PRKCH: variants seen among roughly 807,000 people sequenced by gnomAD.
PRKCH encodes protein kinase C eta.
In PRKCH, 28 loss-of-function variants were observed where a neutral mutation model predicts 82.5. The ratio of observed to expected loss-of-function variants is 0.34; its 90% CI spans 0.25 to 0.47. The LOEUF (loss-of-function observed/expected upper bound fraction) is 0.47, where lower values mean the gene tolerates loss of function less well. PRKCH is among the 20% of genes least tolerant of loss of function. The pLI, the probability that PRKCH is intolerant of heterozygous loss-of-function variation, is 1.00. For missense variants in PRKCH, 705 were observed against 881.8 expected, an observed-to-expected ratio of 0.80 and a Z score of 2.54; for synonymous variants, 322 against 327.4, an observed-to-expected ratio of 0.98 and a Z score of 0.18.
chr14:61,461,406 A>C (rs960995218), intron 9 of PRKCH, among the ~76,000 whole-genome samples: 4 of 152,190 alleles, frequency 2.6e-5, no homozygotes, highest in African/African-American at 9.7e-5. Flanking sequence ...CGGGGTTTCA[A>C]GCGCCAGCCT....
chr14:61,419,282 G>A (rs1157678845), intron 2 of PRKCH, among the ~76,000 whole-genome samples: 1 of 152,166 alleles, frequency 6.6e-6, no homozygotes, highest in Non-Finnish European at 1.5e-5. Flanking sequence ...TAGAGCAGAA[G>A]TTTTCATTTA....
chr14:61,342,103 G>GT (rs1158662428), intron 1 of PRKCH, among the ~76,000 whole-genome samples: 1 of 152,092 alleles, frequency 6.6e-6, no homozygotes, highest in Non-Finnish European at 1.5e-5. Flanking sequence ...CCTCTGCAGT[G>GT]TAACTGGGCT....
intron 10 of PRKCH, among the ~76,000 whole-genome samples, chr14:61,494,680 G>A (rs548699595): frequency 6.6e-6 from 1 of 152,344 alleles, no homozygotes; most frequent in Admixed American, 6.5e-5. Context: ...CTTTGCATAT[G>A]TGCTGTCACC....
chr14:61,328,948 T>C (rs1222408660), intron 1 of PRKCH, among the ~76,000 whole-genome samples: 3 of 151,146 alleles, frequency 2.0e-5, no homozygotes, highest in Non-Finnish European at 2.9e-5. Flanking sequence ...ATCATGTCAC[T>C]GTACTCTAGC....
In PRKCH at chr14:61,328,352, C is replaced by T. The variant is rs527895705; in HGVS notation, c.363+5888C>T. The stretch of plus-strand genomic sequence containing the variant: ...TTGAAAACCTTGTGTATGGAAAATT[C>T]CCTGCTCTTACGTCATTTTAAAAGA... On this transcript the variant is annotated intron_variant, in intron 1 of 13. Coordinates refer to ENST00000332981, the MANE Select transcript of PRKCH (RefSeq NM_006255.5). Among the ~76,000 whole-genome samples the T allele has an allele frequency of 5.7e-5, 8 of 141,030 alleles. No individual in the cohort carries two copies. The South Asian group carries it at 1.9e-3, about 33-fold the overall frequency. The allele number at this position is 141,030 out of a possible 152,430, so 92.5% of individuals were successfully genotyped here. A position where few individuals can be genotyped will look rare whatever the true frequency, so the allele number is the denominator to read the frequency against.
At chr14:61,528,275 C>T (rs1050050862) in intron 10 of PRKCH, among the ~76,000 whole-genome samples, 1 of 152,010 alleles carries the variant, frequency 6.6e-6, no homozygotes, top group Non-Finnish European at 1.5e-5. Flanking sequence ...CTCACTGCAG[C>T]CTCAACCTCC....
intron 1 of PRKCH, among the ~76,000 whole-genome samples, chr14:61,282,060 G>A (rs963931674): frequency 2.1e-4 from 32 of 151,624 alleles, no homozygotes; most frequent in Non-Finnish European, 4.4e-5. Context: ...AACCAAGAAA[G>A]GAAAAAATGT....
intron 1 of PRKCH, among the ~76,000 whole-genome samples, chr14:61,223,010 G>A (rs2044667280): frequency 6.6e-6 from 1 of 152,088 alleles, no homozygotes; most frequent in Admixed American, 6.6e-5. Flanking sequence ...TTAAAAAGGA[G>A]CTATTCACTC....
At chr14:61,372,001 G>A (rs1227546662) in intron 1 of PRKCH, among the ~76,000 whole-genome samples, 3 of 152,024 alleles carry the variant, frequency 2.0e-5, no homozygotes, top group Admixed American at 2.0e-4. Flanking sequence ...AATTGTTTCA[G>A]ATTTGGTTTT....
At chr14:61,395,008 G>A (rs561080566) in intron 2 of PRKCH, among the ~76,000 whole-genome samples, 1 of 152,240 alleles carries the variant, frequency 6.6e-6, no homozygotes, top group East Asian at 1.9e-4. Flanking sequence ...TTCCTCTTAG[G>A]TGTGTTTGCA....
chr14:61,488,166 GA>G (rs1886311420), intron 10 of PRKCH, among the ~76,000 whole-genome samples: 1 of 142,224 alleles, frequency 7.0e-6, no homozygotes, highest in African/African-American at 2.6e-5. Context: ...AAAAAAAAAA[GA>G]AAAAAATTCG....
intron 9 of PRKCH, among the ~76,000 whole-genome samples, chr14:61,465,381 A>G (rs1400045541): frequency 1.3e-5 from 2 of 151,898 alleles, no homozygotes; most frequent in Non-Finnish European, 2.9e-5. Flanking sequence ...TCTTTAGTCC[A>G]TTTTTCAGTG....
intron 10 of PRKCH, among the ~76,000 whole-genome samples, chr14:61,499,449 A>T (rs1256171432): frequency 1.3e-5 from 2 of 152,088 alleles, no homozygotes; most frequent in Non-Finnish European, 2.9e-5. Context: ...CTGGTTTGCT[A>T]GGTGTGTGGC....
At chr14:61,446,341 G>A (rs1884224035) in intron 4 of PRKCH, among the ~76,000 whole-genome samples, 3 of 152,272 alleles carry the variant, frequency 2.0e-5, no homozygotes, top group Non-Finnish European at 4.4e-5. Context: ...AGAGCCCTCA[G>A]TCAGGTGGTT....
chr14:61,254,706 G>T (rs2140075436), intron 1 of PRKCH, among the ~76,000 whole-genome samples: 1 of 152,310 alleles, frequency 6.6e-6, no homozygotes, highest in South Asian at 2.1e-4. Context: ...GAAAGTTGTT[G>T]GTAGGCAAGC....
chr14:61,412,223 C>T (rs1349404868), intron 2 of PRKCH, among the ~76,000 whole-genome samples: 3 of 151,884 alleles, frequency 2.0e-5, no homozygotes, highest in African/African-American at 7.3e-5. Flanking sequence ...CAAAACTGAC[C>T]CAGAATTAAC....
chr14:61,394,515 TTC>T (rs2046740802), intron 2 of PRKCH, among the ~76,000 whole-genome samples: 1 of 152,164 alleles, frequency 6.6e-6, no homozygotes, highest in South Asian at 2.1e-4. Context: ...GTGGGTAAGA[TTC>T]TCTCTCATTC....
At chr14:61,401,352 A>T (rs1025928677) in intron 2 of PRKCH, among the ~76,000 whole-genome samples, 1 of 152,148 alleles carries the variant, frequency 6.6e-6, no homozygotes, top group African/African-American at 2.4e-5. Context: ...CACTGTACCT[A>T]CTTCTCTTAT....
chr14:61,188,598 G>GT (rs1212950113), intron 1 of PRKCH, among the ~76,000 whole-genome samples: 1 of 71,758 alleles, frequency 1.4e-5, no homozygotes, highest in Admixed American at 1.4e-4. Context: ...TCGGGGGGGT[G>GT]GGGGGGTGGT....
Sources: gnomAD v4.1 joint callset for allele counts (sites outside exome capture counted in the v4.1 genomes callset) on GRCh38, gnomAD v4.1.1 for gene constraint, MANE v1.5 for transcripts, NCBI Gene and HGNC (gene_info 2026-07-23, HGNC 2026-07-21) for gene names.